PRKCB: variants seen among roughly 807,000 people sequenced by gnomAD.
PRKCB encodes the protein protein kinase C beta type.
A neutral mutation model predicts 81.5 loss-of-function variants in PRKCB; 13 were observed. That is an observed-to-expected ratio of 0.16 (90% CI 0.10 to 0.25). PRKCB has a LOEUF of 0.25. PRKCB is among the 10% of genes least tolerant of loss of function. PRKCB has a pLI of 1.00. For synonymous variants in PRKCB, 335 were observed against 321.4 expected, an observed-to-expected ratio of 1.04 and a Z score of -0.45; for missense variants, 509 against 875.7, an observed-to-expected ratio of 0.58 and a Z score of 5.29.
intron 9 of PRKCB, among the ~76,000 whole-genome samples, chr16:24,152,718 C>T (rs1967097837): frequency 6.6e-6 from 1 of 152,146 alleles, no homozygotes; most frequent in African/African-American, 2.4e-5. Flanking sequence ...AAATACATCC[C>T]TTGGGTACCA....
At chr16:23,838,964 A>G (rs199546568) in intron 2 of PRKCB, among the ~76,000 whole-genome samples, 11 of 152,342 alleles carry the variant, frequency 7.2e-5, no homozygotes, top group South Asian at 4.1e-4. Context: ...CAAAATGCCA[A>G]TGGTGTCTTG....
At chr16:24,027,455 G>C (rs1181173384) in intron 3 of PRKCB, among the ~76,000 whole-genome samples, 3 of 152,130 alleles carry the variant, frequency 2.0e-5, no homozygotes, top group Admixed American at 1.3e-4. Context: ...TAGTTTTTTG[G>C]GGGGTGGATT....
chr16:24,095,686 G>A (rs1966430112), intron 7 of PRKCB, among the ~76,000 whole-genome samples: 1 of 152,076 alleles, frequency 6.6e-6, no homozygotes, highest in Non-Finnish European at 1.5e-5. Flanking sequence ...TTAGTTTTGG[G>A]AAAGGGCTGT....
rs1567298642 is a variant in PRKCB at position 23,875,661 on chromosome 16, TATATATGTATGTATATCACACAC to T, written c.205+38278_205+38300del. On this transcript the variant is annotated intron_variant, in intron 2 of 16. Coordinates refer to ENST00000643927, the MANE Select transcript of PRKCB (RefSeq NM_002738.7). ...CACATATATGTATGTATATCACACA[TATATATGTATGTATATCACACAC>T]ATATATGTATGTATATCACACATAT... Among the ~76,000 whole-genome samples the T allele has an allele frequency of 9.6e-3, 572 of 59,710 alleles. 10 individuals are homozygous for T. The highest frequency in any genetic ancestry group is 0.04 in the East Asian group (67 of 1,670). The allele number at this position is 59,710 out of a possible 152,430, so 39.2% of individuals were successfully genotyped here. A position where few individuals can be genotyped will look rare whatever the true frequency, so the allele number is the denominator to read the frequency against.
chr16:24,125,554 G>A lies in PRKCB; in HGVS notation c.1065+1573G>A, dbSNP rs138146810. On this transcript the variant is annotated intron_variant, in intron 9 of 16. Coordinates refer to ENST00000643927, the MANE Select transcript of PRKCB (RefSeq NM_002738.7). The stretch of plus-strand genomic sequence containing the variant: ...CCCAACTACCCACTGAAAAGTTGCC[G>A]CTCATTCACTGTCCATTATGTTTAA... 4.1e-3 allele frequency among the ~76,000 whole-genome samples: 626 copies of A among 152,270 alleles called. 3 individuals carry two copies. Among genetic ancestry groups the A allele is most frequent in the Non-Finnish European group, 4.3e-3 (294 of 68,028 alleles).
At chr16:24,182,873 T>TTTGTGTGTGTGTGTGTGTGTG (rs1555501177) in intron 13 of PRKCB, among the ~76,000 whole-genome samples, 4 of 133,520 alleles carry the variant, frequency 3.0e-5, no homozygotes, top group East Asian at 2.2e-4. Flanking sequence ...ACATTGTTTC[T>TTTGTGTGTGTGTGTGTGTGTG]TGTGTGTGTG....
chr16:24,006,246 A>T (rs553105996), intron 3 of PRKCB, among the ~76,000 whole-genome samples: 1 of 152,326 alleles, frequency 6.6e-6, no homozygotes. Context: ...GAGTCTGGAG[A>T]TACTCGAGGA....
At chr16:23,899,632 CTCTCTCTCTCTCTG>C (rs61184546) in intron 2 of PRKCB, among the ~76,000 whole-genome samples, 17,191 of 43,242 alleles carry the variant, frequency 0.4, 6,951 homozygotes, top group East Asian at 0.96. Context: ...CTCTCTCTCT[CTCTCTCTCTCTCTG>C]TGTGTGTGTG....
intron 11 of PRKCB, among the ~76,000 whole-genome samples, chr16:24,173,874 C>T (rs1967486254): frequency 6.6e-6 from 1 of 152,182 alleles, no homozygotes; most frequent in Non-Finnish European, 1.5e-5. Flanking sequence ...GTAGGACCTA[C>T]CTTACAGGAT....
At chr16:24,003,390 T>G (rs1337293964) in intron 3 of PRKCB, among the ~76,000 whole-genome samples, 1 of 151,392 alleles carries the variant, frequency 6.6e-6, no homozygotes, top group African/African-American at 2.4e-5. Context: ...GCATTCGTTT[T>G]TTTTTTTTTT....
intron 5 of PRKCB, among the ~76,000 whole-genome samples, chr16:24,075,616 T>C (rs2141888219): frequency 6.6e-6 from 1 of 152,320 alleles, no homozygotes; most frequent in Non-Finnish European, 1.5e-5. Context: ...AAGCAACTCT[T>C]AAACAAAAGC....
intron 5 of PRKCB, among the ~76,000 whole-genome samples, chr16:24,052,880 A>C (rs1965860074): frequency 6.6e-6 from 1 of 152,126 alleles, no homozygotes; most frequent in East Asian, 1.9e-4. Flanking sequence ...ACCTCCTGAG[A>C]ATGCAGCCCA....
intron 16 of PRKCB, among the ~76,000 whole-genome samples, chr16:24,204,659 T>C (rs1375312918): frequency 6.6e-6 from 1 of 152,174 alleles, no homozygotes; most frequent in Admixed American, 6.5e-5. Context: ...TTTCATCTAG[T>C]TTCTTTTAAA....
At chr16:24,006,081 T>C (rs766241156) in intron 3 of PRKCB, among the ~76,000 whole-genome samples, 1 of 152,144 alleles carries the variant, frequency 6.6e-6, no homozygotes, top group Non-Finnish European at 1.5e-5. Context: ...TCCTCCCTTC[T>C]TCCCTCTCTC....
intron 9 of PRKCB, among the ~76,000 whole-genome samples, chr16:24,139,925 T>C (rs1035402499): frequency 9.2e-5 from 14 of 152,190 alleles, no homozygotes; most frequent in African/African-American, 3.4e-4. Flanking sequence ...CACTATTAAT[T>C]CCCAAGCATC....
chr16:24,206,135 G>T (rs1171705498), intron 16 of PRKCB, among the ~76,000 whole-genome samples: 1 of 152,104 alleles, frequency 6.6e-6, no homozygotes. Flanking sequence ...TGATTGTAAG[G>T]GACCTTCATT....
chr16:24,052,625 C>T (rs925003543), intron 5 of PRKCB, among the ~76,000 whole-genome samples: 4 of 152,208 alleles, frequency 2.6e-5, no homozygotes, highest in African/African-American at 7.2e-5. Context: ...TGTAGGGTAA[C>T]TTCCTGACGT....
At chr16:23,915,312 T>C (rs1301926188) in intron 2 of PRKCB, among the ~76,000 whole-genome samples, 1 of 152,102 alleles carries the variant, frequency 6.6e-6, no homozygotes, top group African/African-American at 2.4e-5. Flanking sequence ...ATGCTGTCCC[T>C]CCAAATAAGG....
chr16:24,143,398 CTG>C (rs1263441138), intron 9 of PRKCB, among the ~76,000 whole-genome samples: 5 of 152,114 alleles, frequency 3.3e-5, no homozygotes, highest in African/African-American at 1.2e-4. Context: ...CTCCAAGGTG[CTG>C]GGACTACAGG....
Sources: allele counts gnomAD v4.1 joint callset (sites outside exome capture counted in the v4.1 genomes callset), GRCh38; gene constraint gnomAD v4.1.1; transcripts MANE v1.5; gene names NCBI Gene and HGNC (gene_info 2026-07-23, HGNC 2026-07-21).